The following TOGARAM1 variants were observed in gnomAD, a reference collection of about 807,000 sequenced individuals.
TOGARAM1 encodes the protein TOG array regulator of axonemal microtubules protein 1.
Under a neutral mutation model 166.6 loss-of-function variants are expected in TOGARAM1, and 100 were observed. The observed-to-expected ratio is 0.60, with a 90% CI of 0.51 to 0.71. The LOEUF (loss-of-function observed/expected upper bound fraction) is 0.71. Among genes scored for constraint, TOGARAM1 ranks in the 30% least tolerant of loss-of-function variants. TOGARAM1 has a pLI of 0.00. For missense variants in TOGARAM1, 2,029 were observed against 2,102.7 expected, an observed-to-expected ratio of 0.96 and a Z score of 0.69; for synonymous variants, 758 against 763.8, an observed-to-expected ratio of 0.99 and a Z score of 0.13.
intron 3 of TOGARAM1, among the ~76,000 whole-genome samples, chr14:45,000,187 C>G (rs1316635184): frequency 6.6e-6 from 1 of 152,014 alleles, no homozygotes; most frequent in East Asian, 1.9e-4. Flanking sequence ...TTAGTAGAGA[C>G]AGAGTTTCAC....
intron 1 of TOGARAM1, among the ~76,000 whole-genome samples, chr14:44,968,241 T>C (rs1346481932): frequency 6.6e-6 from 1 of 152,200 alleles, no homozygotes; most frequent in Non-Finnish European, 1.5e-5. Context: ...CATGCATATT[T>C]TAAATTATTA....
chr14:44,963,463 T>G lies in TOGARAM1; in HGVS notation c.1042T>G (p.Phe348Val). ...GACTCTTTCCAACAGCAATCTTAAA[T>G]TTGGGATTATTCCTCAGGAGCTGCA... ...AVTLSNSNLKFGIIPQELHSR... is the reference protein window; with the variant it reads ...AVTLSNSNLKVGIIPQELHSR... The change falls in exon 1 of 20, where the codon TTT becomes GTT. Residue 348 changes from phenylalanine to valine, a missense_variant. By Grantham distance (50) the Phe-to-Val change is conservative (BLOSUM62 -1). This residue lies in a region of TOGARAM1 where 1,453 missense variants were observed against 1,432.2 expected (regional missense o/e 1.01). Transcript: ENST00000361462. The G allele has an allele frequency of 6.2e-7, 1 of 1,614,148 alleles. No homozygotes were observed. Among genetic ancestry groups the G allele is most frequent in the Non-Finnish European group, 8.5e-7 (1 of 1,180,034 alleles).
chr14:45,015,294 G>A (rs370816534), intron 7 of TOGARAM1, among the ~76,000 whole-genome samples: 3 of 150,624 alleles, frequency 2.0e-5, no homozygotes, highest in African/African-American at 7.3e-5. Context: ...GACAGAGCAA[G>A]AGCCTATCTC....
chr14:44,981,628 A>G (rs1566606276), intron 1 of TOGARAM1, among the ~76,000 whole-genome samples: 1 of 152,148 alleles, frequency 6.6e-6, no homozygotes, highest in Non-Finnish European at 1.5e-5. Flanking sequence ...TTCTGATTGT[A>G]AAAAAGTTAT....
At chr14:44,965,298 G>C (rs997502318) in intron 1 of TOGARAM1, among the ~76,000 whole-genome samples, 10 of 152,100 alleles carry the variant, frequency 6.6e-5, no homozygotes, top group Non-Finnish European at 1.2e-4. Flanking sequence ...CAGACAGCCT[G>C]TATTTAAATT....
chr14:44,993,413 A>G (rs1304606792), intron 1 of TOGARAM1, among the ~76,000 whole-genome samples: 3 of 152,244 alleles, frequency 2.0e-5, no homozygotes, highest in South Asian at 2.1e-4. Flanking sequence ...TTAATTTACT[A>G]TAACTCTAAG....
Position 44,963,027 on chromosome 14 carries a change from C to G in TOGARAM1, c.606C>G (p.Ile202Met). 1 of 1,614,166 alleles carries G rather than the reference C, an allele frequency of 6.2e-7. No individual in the cohort carries two copies. The highest frequency in any genetic ancestry group is 8.5e-7 in the Non-Finnish European group (1 of 1,180,032). The change falls in exon 1 of 20, where the codon ATC becomes ATG. Residue 202 changes from isoleucine to methionine, a missense_variant. Transcript: ENST00000361462. ...NPALRKDALQ[I>M]LHICLKRSPG... ...CCCTGCGGAAAGATGCGCTGCAGATCCTTCATATATGTCTGAAACGTAGTC... is the reference window on the plus strand; with the variant it reads ...CCCTGCGGAAAGATGCGCTGCAGATGCTTCATATATGTCTGAAACGTAGTC...
In TOGARAM1 at chr14:45,008,949, G is replaced by A. The variant is rs768760744; in HGVS notation, c.2941G>A (p.Ala981Thr). Residue 981 changes from alanine (A) to threonine (T), a missense_variant, in exon 6 of 20, where the codon GCT becomes ACT. Coordinates refer to ENST00000361462, the MANE Select transcript of TOGARAM1 (RefSeq NM_001308120.2). ...SSLRSLRNSA[A>T]KKRAKLSGST... The stretch of plus-strand genomic sequence containing the variant: ...TCTTAGGTCCCTTCGTAATAGTGCA[G>A]CTAAGAAAAGAGCAAAACTGAGTGG... The A allele has an allele frequency of 6.2e-6, 10 of 1,613,898 alleles. No individual in the cohort carries two copies. In the East Asian group the frequency reaches 2.0e-4, roughly 32 times the overall value.
At position 45,070,387 on chromosome 14, in the gene TOGARAM1, C is replaced by T. The variant is rs141520730; in HGVS notation, c.4970-1325C>T. On this transcript the variant is annotated intron_variant, in intron 18 of 19. Coordinates refer to ENST00000361462, the MANE Select transcript of TOGARAM1 (RefSeq NM_001308120.2). ...GTGCTCCCAATAAGCAGGGGAAAGT[C>T]ATGACATGATAAATTTGAATTGCTT... Among the ~76,000 whole-genome samples, 1,256 of 152,246 alleles carry T rather than the reference C, an allele frequency of 8.2e-3. 11 individuals carry two copies. The highest frequency in any genetic ancestry group is 0.01 in the Non-Finnish European group (710 of 68,024).
At chr14:45,066,496 A>G in intron 16 of TOGARAM1, 82 bp from the exon 17 acceptor site, 2 of 1,298,394 alleles carry the variant, frequency 1.5e-6, no homozygotes, top group East Asian at 4.9e-5. Flanking sequence ...TGAATGCATA[A>G]TGAGATTTTT....
chr14:44,987,398 C>T (rs552396774), intron 1 of TOGARAM1, among the ~76,000 whole-genome samples: 66 of 152,262 alleles, frequency 4.3e-4, no homozygotes, highest in Middle Eastern at 3.4e-3. Flanking sequence ...AGAACTCAAA[C>T]AAATTTACAA....
At chr14:45,019,335 C>T (rs1008019517) in intron 7 of TOGARAM1, among the ~76,000 whole-genome samples, 1 of 152,004 alleles carries the variant, frequency 6.6e-6, no homozygotes, top group South Asian at 2.1e-4. Flanking sequence ...ATTTTCATTC[C>T]TCTTAAATCC....
In TOGARAM1 at chr14:45,032,355, G is replaced by A; in HGVS notation, c.3791G>A (p.Arg1264Lys). The part of the protein sequence containing the change: ...KPEIALTEAL[R>K]LLADEDWEKK... ...GAAATAGCACTGACAGAAGCCCTGA[G>A]GCTTTTGGCTGATGAGGATTGGTAA... Residue 1264 changes from arginine (R) to lysine (K), a missense_variant, in exon 11 of 20, where the codon AGG becomes AAG. Physicochemically the swap from Arg to Lys is conservative, Grantham distance 26. Around this residue, in one of 2 missense-constraint regions of TOGARAM1, gnomAD observed 576 missense variants for 670.5 expected, o/e 0.86. Transcript: ENST00000361462. The A allele has an allele frequency of 6.2e-7, 1 of 1,613,770 alleles. No individual in the cohort carries two copies. Among genetic ancestry groups the A allele is most frequent in the African/African-American group, 1.3e-5 (1 of 75,006 alleles).
Position 45,006,063 on chromosome 14 carries a change from G to A in TOGARAM1, c.2700G>A (p.Ser900=), listed in dbSNP as rs773541239. Residue 900 remains serine (S), a synonymous_variant, in exon 5 of 20, where the codon TCG becomes TCA. Coordinates refer to ENST00000361462, the MANE Select transcript of TOGARAM1 (RefSeq NM_001308120.2). ...PVQLTPALVR[S]PSSRRGLNGT... is the part of the protein sequence containing the mutation. ...AGCTTACACCTGCCTTGGTGAGATCGCCATCTTCCCGACGAGGTCTAAATG... is the reference window on the plus strand; with the variant it reads ...AGCTTACACCTGCCTTGGTGAGATCACCATCTTCCCGACGAGGTCTAAATG... 6.2e-6 allele frequency: 10 copies of A among 1,612,860 alleles called. No individual in the cohort carries two copies. The East Asian group carries it at 1.1e-4, about 18-fold the overall frequency.
At chr14:44,997,701 T>A (rs1471576231) in intron 2 of TOGARAM1, among the ~76,000 whole-genome samples, 1 of 151,874 alleles carries the variant, frequency 6.6e-6, no homozygotes, top group East Asian at 1.9e-4. Flanking sequence ...TCTTTATAAA[T>A]GACCATATCA....
chr14:44,986,079 G>C (rs1466684519), intron 1 of TOGARAM1, among the ~76,000 whole-genome samples: 2 of 152,144 alleles, frequency 1.3e-5, no homozygotes, highest in Admixed American at 1.3e-4. Flanking sequence ...TTTGAAAGTA[G>C]TGTTGTTAAT....
At chr14:45,013,363 G>A (rs75742461) in intron 7 of TOGARAM1, among the ~76,000 whole-genome samples, 1 of 152,248 alleles carries the variant, frequency 6.6e-6, no homozygotes, top group East Asian at 1.9e-4. Context: ...GATCCCCAAA[G>A]ATTATTTCCC....
At chr14:45,046,159 C>T (rs1337236916) in intron 13 of TOGARAM1, among the ~76,000 whole-genome samples, 3 of 152,064 alleles carry the variant, frequency 2.0e-5, no homozygotes, top group Admixed American at 6.5e-5. Context: ...CTTAGCCTCA[C>T]GTGGTGGCTC....
chr14:44,963,301 T>A lies in TOGARAM1; in HGVS notation c.880T>A (p.Ser294Thr). Reference sequence around the variant, plus strand: ...GCGACTTGGCCAAGACAGGTTTCAATCTTACATTTCTCGTCTGCCCTCTGC... The same window carrying A: ...GCGACTTGGCCAAGACAGGTTTCAAACTTACATTTCTCGTCTGCCCTCTGC... ...GERLGQDRFQSYISRLPSALR... is the reference protein window; with the variant it reads ...GERLGQDRFQTYISRLPSALR... The change falls in exon 1 of 20, where the codon TCT becomes ACT. Residue 294 changes from serine (S) to threonine (T), a missense_variant. Ser to Thr is a moderately conservative substitution (Grantham distance 58). Coordinates refer to ENST00000361462, the MANE Select transcript of TOGARAM1 (RefSeq NM_001308120.2). 2 of 1,614,162 alleles carry A rather than the reference T, an allele frequency of 1.2e-6. No homozygotes were observed. Among genetic ancestry groups the A allele is most frequent in the Non-Finnish European group, 1.7e-6 (2 of 1,180,026 alleles).
Sources: allele counts gnomAD v4.1 joint callset (sites outside exome capture counted in the v4.1 genomes callset), GRCh38; gene constraint gnomAD v4.1.1; regional missense constraint gnomAD v4.1.1; transcripts MANE v1.5; gene names NCBI Gene and HGNC (gene_info 2026-07-23, HGNC 2026-07-21).